The following ZNF160 variants were observed in gnomAD, a reference collection of about 807,000 sequenced individuals.
ZNF160 encodes zinc finger protein 160.
A neutral mutation model predicts 13.1 loss-of-function variants in ZNF160; 9 were observed. The observed-to-expected ratio is 0.69, with a 90% CI of 0.41 to 1.20. The LOEUF is 1.20. ZNF160 is among the 50% of genes most tolerant of loss of function. ZNF160 has a pLI of 0.01. For missense variants in ZNF160, 838 were observed against 988.0 expected (o/e 0.85, Z 2.04); for synonymous variants, 293 against 333.2 (o/e 0.88, Z 1.31).
rs775151916 is a variant in ZNF160 at position 53,068,655 on chromosome 19, C to T, written c.1879G>A (p.Gly627Ser). 58 of 1,613,044 alleles carry T rather than the reference C, an allele frequency of 3.6e-5. No individual in the cohort carries two copies. Among genetic ancestry groups the T allele is most frequent in the African/African-American group, 8.0e-5 (6 of 74,556 alleles). The change falls in exon 6 of 6, where the codon GGC (glycine) becomes AGC (serine). Residue 627 changes from glycine (G) to serine (S), a missense_variant. Physicochemically the swap from Gly to Ser is moderately conservative, Grantham distance 56 (BLOSUM62 0). Transcript: ENST00000683776. ...TATGAATTGTGCCTAAAAACCTTGC[C>T]GCATTCATGACATTTGTAAGGTTTC... Reference protein sequence around the residue: ...GEKPYKCHECGKVFRHNSYLA... With the variant: ...GEKPYKCHECSKVFRHNSYLA...
chr19:53,070,556 G>A (rs566950791), intron 5 of ZNF160, among the ~76,000 whole-genome samples: 3 of 152,012 alleles, frequency 2.0e-5, no homozygotes, highest in Admixed American at 1.3e-4. Context: ...GACTACAGGC[G>A]CCCGCCACCA....
At chr19:53,098,196 G>C (rs2085307169) in intron 1 of ZNF160, among the ~76,000 whole-genome samples, 1 of 152,144 alleles carries the variant, frequency 6.6e-6, no homozygotes, top group South Asian at 2.1e-4. Context: ...TTCTTTCCAA[G>C]TGTGCCACAC....
At chr19:53,096,762 G>C (rs59972442) in intron 1 of ZNF160, among the ~76,000 whole-genome samples, 74,820 of 124,052 alleles carry the variant, frequency 0.6, 24,067 homozygotes, top group Middle Eastern at 0.67. Flanking sequence ...AGACCAACCC[G>C]TCCTCTCCCT....
At chr19:53,099,709 A>G (rs2085374783) in intron 1 of ZNF160, among the ~76,000 whole-genome samples, 1 of 152,044 alleles carries the variant, frequency 6.6e-6, no homozygotes, top group East Asian at 1.9e-4. Context: ...CAATTCCTAG[A>G]AGAACTGCAA....
intron 5 of ZNF160, chr19:53,073,218 G>T: frequency 7.0e-7 from 1 of 1,437,622 alleles, no homozygotes; most frequent in South Asian, 1.5e-5. Context: ...GTGACAACAT[G>T]CAGTACTTGT....
In ZNF160 at chr19:53,069,316, A is replaced by G. The variant is rs2084076271; in HGVS notation, c.1218T>C (p.Phe406=). 6.2e-7 allele frequency: 1 copy of G among 1,613,322 alleles called. No individual in the cohort carries two copies. Among genetic ancestry groups the G allele is most frequent in the Admixed American group, 1.7e-5 (1 of 59,944 alleles). Residue 406 remains phenylalanine, a synonymous_variant, in exon 6 of 6, where the codon TTT becomes TTC. Coordinates refer to ENST00000683776, the MANE Select transcript of ZNF160 (RefSeq NM_001322131.2). This position sits in a 1 kb window ranked among gnomAD's most constrained non-coding sequence, Gnocchi z 4.4. ...PYKCNECGKA[F]SVRSSLAIHQ... ...GGATTGCTAGGCTTGAACGAACACT[A>G]AAGGCTTTGCCGCACTCATTGCACT...
rs141939626 is a variant in ZNF160 at position 53,070,032 on chromosome 19, C to T, written c.502G>A (p.Asp168Asn). The change falls in exon 6 of 6, where the codon GAC (aspartate) becomes AAC (asparagine). Residue 168 changes from aspartate to asparagine, a missense_variant. Around this residue, in one of 3 missense-constraint regions of ZNF160, gnomAD observed 387 missense variants for 402.3 expected, o/e 0.96. Coordinates refer to ENST00000683776, the MANE Select transcript of ZNF160 (RefSeq NM_001322131.2). ...AQKEGKRDQRDRRDIENKLMN... is the reference protein window; with the variant it reads ...AQKEGKRDQRNRRDIENKLMN... ...AGCTTGTTTTCTATGTCTCTTCTGT[C>T]GCGTTGATCTCTTTTACCTTCTTTC... 3.3e-4 allele frequency: 527 copies of T among 1,613,946 alleles called. 3 individuals carry two copies. Among genetic ancestry groups the T allele is most frequent in the South Asian group, 2.0e-3 (184 of 91,056 alleles).
intron 5 of ZNF160, chr19:53,073,400 G>A (rs915508366): frequency 4.4e-6 from 7 of 1,598,328 alleles, no homozygotes; most frequent in Non-Finnish European, 5.9e-6. Context: ...CAGAATGGAA[G>A]AAATGGCCGA....
At chr19:53,083,121 A>C (rs1057385306) in intron 3 of ZNF160, among the ~76,000 whole-genome samples, 1 of 152,188 alleles carries the variant, frequency 6.6e-6, no homozygotes, top group Non-Finnish European at 1.5e-5. Flanking sequence ...TGTTCACCTA[A>C]ACTGAAGCTC....
In ZNF160 at chr19:53,070,198, T is replaced by C. The variant is rs201243862; in HGVS notation, c.336A>G (p.Val112=). ...GTCTTTCCAACACCACTGTGTGGAA[T>C]ACTGCTTCTGTACTGCTCTTCTCTT... ...LPKEKSSTEA[V]FHTVVLERHE... The change falls in exon 6 of 6, where the codon GTA becomes GTG. Residue 112 remains valine (V), a synonymous_variant. Coordinates refer to ENST00000683776, the MANE Select transcript of ZNF160 (RefSeq NM_001322131.2). 14 of 1,613,948 alleles carry C rather than the reference T, an allele frequency of 8.7e-6. No individual in the cohort carries two copies. The highest frequency in any genetic ancestry group is 6.7e-5 in the Admixed American group (4 of 60,020).
intron 1 of ZNF160, among the ~76,000 whole-genome samples, chr19:53,100,980 C>CAAA (rs144340073): frequency 5.4e-5 from 8 of 149,212 alleles, no homozygotes; most frequent in Non-Finnish European, 8.9e-5. Flanking sequence ...ACCTCCATCT[C>CAAA]AAAAAAAATA....
At chr19:53,073,517 G>A (rs1473439433) in intron 5 of ZNF160, 2 of 1,594,810 alleles carry the variant, frequency 1.3e-6, no homozygotes, top group African/African-American at 2.7e-5. Context: ...GGTCTTCCAC[G>A]CACAGGAAAT....
At chr19:53,094,183 T>A (rs1285958229) in intron 1 of ZNF160, among the ~76,000 whole-genome samples, 1 of 152,172 alleles carries the variant, frequency 6.6e-6, no homozygotes, top group East Asian at 1.9e-4. Flanking sequence ...TTAAAAAGTA[T>A]TCTTTATGTT....
chr19:53,072,682 T>G (rs2084224226), intron 5 of ZNF160, among the ~76,000 whole-genome samples: 1 of 151,856 alleles, frequency 6.6e-6, no homozygotes, highest in South Asian at 2.1e-4. Context: ...AGAAACCCGA[T>G]CTCTACTAAA....
chr19:53,086,142 C>G (rs903831128), intron 3 of ZNF160, 120 bp downstream of exon 3: 26 of 1,338,054 alleles, frequency 1.9e-5, no homozygotes, highest in Non-Finnish European at 2.8e-5. Flanking sequence ...AGGGAAGGCG[C>G]GGGTGAGTGC....
At chr19:53,097,000 C>T (rs1463040729) in intron 1 of ZNF160, among the ~76,000 whole-genome samples, 1 of 96,612 alleles carries the variant, frequency 1.0e-5, no homozygotes, top group Admixed American at 1.0e-4. Flanking sequence ...GTCTCCCTGC[C>T]ATGACCAGGG....
At position 53,068,243 on chromosome 19, in the gene ZNF160, G is replaced by C; in HGVS notation, c.2291C>G (p.Thr764Arg). 9 of 1,612,980 alleles carry C rather than the reference G, an allele frequency of 5.6e-6. No individual in the cohort carries two copies. The highest frequency in any genetic ancestry group is 7.6e-6 in the Non-Finnish European group (9 of 1,179,700). ...IHTGEKPYRC[T>R]ECGKAFRVRS... is the part of the protein sequence containing the mutation. ...TACCCTAAAGGCTTTCCCACACTCTGTACACCTGTAAGGTTTCTCCCCAGT... is the reference window on the plus strand; with the variant it reads ...TACCCTAAAGGCTTTCCCACACTCTCTACACCTGTAAGGTTTCTCCCCAGT... The change falls in exon 6 of 6, where the codon ACA becomes AGA. Residue 764 changes from threonine (T) to arginine (R), a missense_variant. This residue lies in a region of ZNF160 where 400 missense variants were observed against 538.9 expected (regional missense o/e 0.74). Transcript: ENST00000683776.
intron 3 of ZNF160, among the ~76,000 whole-genome samples, chr19:53,079,935 A>T (rs183026490): frequency 3.3e-5 from 5 of 152,214 alleles, no homozygotes; most frequent in Admixed American, 2.6e-4. Flanking sequence ...TTTAGCAACG[A>T]CAACAAAAAC....
chr19:53,091,037 G>A (rs960665980), intron 2 of ZNF160: 3 of 152,132 alleles, frequency 2.0e-5, no homozygotes, highest in Admixed American at 6.5e-5. Context: ...GAGCCATGAG[G>A]GGATACTAAG....
Sources: gnomAD v4.1 joint callset for allele counts (sites outside exome capture counted in the v4.1 genomes callset) on GRCh38, gnomAD v4.1.1 for gene constraint, gnomAD v4.1.1 regional missense constraint, Gnocchi (gnomAD v3.1) non-coding constraint, MANE v1.5 for transcripts, NCBI Gene and HGNC (gene_info 2026-07-23, HGNC 2026-07-21) for gene names.